GPHN: variants seen among roughly 807,000 people sequenced by gnomAD.
The protein encoded by GPHN is gephyrin.
Under a neutral mutation model 95.5 loss-of-function variants are expected in GPHN, and 17 were observed. That is an observed-to-expected ratio of 0.18 (90% CI 0.12 to 0.27). The LOEUF (loss-of-function observed/expected upper bound fraction) is 0.27, where lower values mean the gene tolerates loss of function less well. GPHN is among the 10% of genes least tolerant of loss of function. The pLI, the probability that GPHN is intolerant of heterozygous loss-of-function variation, is 1.00. For synonymous variants in GPHN, 320 were observed against 322.5 expected (o/e 0.99, Z 0.08); for missense variants, 660 against 978.1 (o/e 0.67, Z 4.34).
chr14:67,172,754 G>A (rs1480247079), intron 21 of GPHN, among the ~76,000 whole-genome samples: 7 of 152,012 alleles, frequency 4.6e-5, no homozygotes, highest in Non-Finnish European at 1.0e-4. Flanking sequence ...GCTATTTATT[G>A]CCCCCACCCC....
At chr14:67,144,725 C>G (rs1472828904) in intron 18 of GPHN, among the ~76,000 whole-genome samples, 1 of 152,178 alleles carries the variant, frequency 6.6e-6, no homozygotes, top group Non-Finnish European at 1.5e-5. Context: ...TATAACCTGA[C>G]TCTTTGGACA....
chr14:67,471,013 T>C, the GPHN span: 3 of 152,312 alleles, frequency 2.0e-5, no homozygotes, highest in East Asian at 1.9e-4. Flanking sequence ...TCTGAACCTG[T>C]AGATCCCGTG....
chr14:66,883,533 T>C (rs1348232510), intron 5 of GPHN, among the ~76,000 whole-genome samples: 1 of 152,100 alleles, frequency 6.6e-6, no homozygotes, highest in Admixed American at 6.6e-5. Flanking sequence ...TCTTTTCCCA[T>C]GAGAACTGGT....
the GPHN span, among the ~76,000 whole-genome samples, chr14:67,400,976 C>A: frequency 0.15 from 22,803 of 150,854 alleles, 3,252 homozygotes; most frequent in East Asian, 0.43. Flanking sequence ...GGTGACAGAG[C>A]AAGATTCTGC....
At chr14:66,967,804 G>C (rs1594664129) in intron 9 of GPHN, among the ~76,000 whole-genome samples, 1 of 151,986 alleles carries the variant, frequency 6.6e-6, no homozygotes, top group East Asian at 1.9e-4. Context: ...AATAGCAGGG[G>C]AACTTCATTT....
At chr14:66,674,221 C>T (rs906264984) in intron 1 of GPHN, among the ~76,000 whole-genome samples, 2 of 152,020 alleles carry the variant, frequency 1.3e-5, no homozygotes, top group African/African-American at 2.4e-5. Context: ...GCCTCAGCCT[C>T]CCGAGTAGCT....
At chr14:66,981,151 T>C (rs982646261) in intron 9 of GPHN, among the ~76,000 whole-genome samples, 4 of 152,224 alleles carry the variant, frequency 2.6e-5, no homozygotes, top group Non-Finnish European at 5.9e-5. Context: ...CTTCTTACTC[T>C]TTGCAACTTT....
chr14:67,035,908 T>A (rs1221605686), intron 10 of GPHN, among the ~76,000 whole-genome samples: 1 of 151,718 alleles, frequency 6.6e-6, no homozygotes, highest in Non-Finnish European at 1.5e-5. Flanking sequence ...ATAAATTTAT[T>A]AGGCAACATT....
At chr14:67,698,937 A>G in the GPHN span, among the ~76,000 whole-genome samples, 1 of 152,136 alleles carries the variant, frequency 6.6e-6, no homozygotes, top group Admixed American at 6.6e-5. Context: ...TGTGCTAGTA[A>G]GAAGAAAAGA....
At chr14:67,324,684 C>T in the GPHN span, among the ~76,000 whole-genome samples, 4 of 151,642 alleles carry the variant, frequency 2.6e-5, no homozygotes, top group Admixed American at 6.6e-5. Flanking sequence ...TCTGGGCCCA[C>T]GTGATCCTCT....
chr14:67,729,229 G>C, the GPHN span: 20 of 1,611,352 alleles, frequency 1.2e-5, no homozygotes, highest in African/African-American at 4.0e-5. Context: ...CCCAGGCGTC[G>C]TCCGCTCTGA....
the GPHN span, chr14:67,392,932 G>T: frequency 8.4e-7 from 1 of 1,197,418 alleles, no homozygotes. Context: ...ACTGACCTTG[G>T]CCCTCTGGGC....
chr14:66,542,929 T>G (rs2059406653), intron 1 of GPHN, among the ~76,000 whole-genome samples: 1 of 152,292 alleles, frequency 6.6e-6, no homozygotes, highest in East Asian at 1.9e-4. Flanking sequence ...CTCACGATTC[T>G]GCAGGCCATA....
At chr14:67,446,123 AG>A in the GPHN span, 2 of 489,826 alleles carry the variant, frequency 4.1e-6, no homozygotes, top group South Asian at 3.0e-5. Flanking sequence ...GATGTGAAAA[AG>A]AAGAGGCAGG....
intron 1 of GPHN, among the ~76,000 whole-genome samples, chr14:66,599,392 A>ATTTTCTTTTTTTTTTT: frequency 1.3e-5 from 1 of 76,524 alleles, no homozygotes. Context: ...TTTTTTTTGC[A>ATTTTCTTTTTTTTTTT]TTTTTTTTTT....
intron 13 of GPHN, among the ~76,000 whole-genome samples, chr14:67,104,204 C>G (rs748727429): frequency 4.6e-5 from 7 of 152,162 alleles, no homozygotes; most frequent in Non-Finnish European, 8.8e-5. Context: ...CCCTTGCATC[C>G]CCACAGTAAA....
At chr14:67,669,862 G>A in the GPHN span, among the ~76,000 whole-genome samples, 1 of 152,200 alleles carries the variant, frequency 6.6e-6, no homozygotes, top group Non-Finnish European at 1.5e-5. Flanking sequence ...CACTTTAAGA[G>A]GCTGAGGTGG....
At chr14:66,868,155 T>G (rs931540114) in intron 4 of GPHN, among the ~76,000 whole-genome samples, 2 of 152,152 alleles carry the variant, frequency 1.3e-5, no homozygotes, top group East Asian at 3.9e-4. Context: ...AAGATAGTCT[T>G]TGTTATTTAT....
chr14:66,858,746 C>A (rs528878318), intron 4 of GPHN, among the ~76,000 whole-genome samples: 54 of 152,252 alleles, frequency 3.5e-4, no homozygotes, highest in Admixed American at 1.4e-3. Flanking sequence ...CATTTCTGAA[C>A]CTGCCCTGGG....
Sources: allele counts gnomAD v4.1 joint callset (sites outside exome capture counted in the v4.1 genomes callset), GRCh38; gene constraint gnomAD v4.1.1; transcripts MANE v1.5; gene names NCBI Gene and HGNC (gene_info 2026-07-23, HGNC 2026-07-21).